Variants in TUBGCP6 observed in about 807,000 individuals in gnomAD.
TUBGCP6 encodes the protein gamma-tubulin complex component 6.
Under a neutral mutation model 175.8 loss-of-function variants are expected in TUBGCP6, and 161 were observed. The ratio of observed to expected loss-of-function variants is 0.92; its 90% CI spans 0.81 to 1.04. TUBGCP6 has a LOEUF of 1.04. TUBGCP6 is among the 50% of genes least tolerant of loss of function. The pLI is 0.00. For missense variants in TUBGCP6, 2,572 were observed against 2,433.0 expected, an observed-to-expected ratio of 1.06 and a Z score of -1.20; for synonymous variants, 1,173 against 1,030.5, an observed-to-expected ratio of 1.14 and a Z score of -2.65.
chr22:50,217,784 C>T lies in TUBGCP6; in HGVS notation c.5412G>A (p.Glu1804=). 6.2e-7 allele frequency: 1 copy of T among 1,614,118 alleles called. No individual in the cohort carries two copies. Among genetic ancestry groups the T allele is most frequent in the Non-Finnish European group, 8.5e-7 (1 of 1,180,022 alleles). ...LVNRGYQPHL[E]DFLLRINFNN... ...TGAAGTTGATGCGCAGCAGAAAGTC[C>T]TCCAGGTGGGGCTGGTAGCCGCGGT... Residue 1804 remains glutamate, a synonymous_variant, in exon 25 of 25, where the codon GAG becomes GAA. Coordinates refer to ENST00000248846, the MANE Select transcript of TUBGCP6 (RefSeq NM_020461.4).
Position 50,218,025 on chromosome 22 carries a change from T to TGGGAGA in TUBGCP6, c.5255_5260dup (p.Ser1753_Gln1754insLeuSer), listed in dbSNP as rs768806135. On this transcript the variant is annotated inframe_insertion, in exon 24 of 25. Coordinates refer to ENST00000248846, the MANE Select transcript of TUBGCP6 (RefSeq NM_020461.4). The stretch of plus-strand genomic sequence containing the variant: ...CGGGCCCCCAGGGGGCCCCCAGGCC[T>TGGGAGA]GGGAGATGAGCTGGCTGCGGAACTT... 1 of 1,613,240 alleles carries TGGGAGA rather than the reference T, an allele frequency of 6.2e-7. No homozygotes were observed. The highest frequency in any genetic ancestry group is 1.3e-5 in the African/African-American group (1 of 75,036).
In TUBGCP6 at chr22:50,221,574, G is replaced by C; in HGVS notation, c.2785C>G (p.Leu929Val). The change falls in exon 16 of 25, where the codon CTG becomes GTG. Residue 929 changes from leucine to valine, a missense_variant. Leu to Val is a conservative substitution (Grantham distance 32). Coordinates refer to ENST00000248846, the MANE Select transcript of TUBGCP6 (RefSeq NM_020461.4). ...GCCTCCCCAGGAGCTGAGGGGGGCAGGTCCAAGTTAATGGTCTGCAGCGCC... is the reference window on the plus strand; with the variant it reads ...GCCTCCCCAGGAGCTGAGGGGGGCACGTCCAAGTTAATGGTCTGCAGCGCC... ...EVALQTINLD[L>V]PPSAPGEAPA... 6.3e-7 allele frequency: 1 copy of C among 1,585,340 alleles called. No individual in the cohort carries two copies.
At position 50,219,700 on chromosome 22, in the gene TUBGCP6, G is replaced by C; in HGVS notation, c.4259C>G (p.Ala1420Gly). ...EAQGGEQAYL[A>G]GLAGQYHLER... ...CAAGTGGTACTGCCCTGCCAGGCCTGCCAGGTAGGCCTGCTCCCCACCCTG... is the reference window on the plus strand; with the variant it reads ...CAAGTGGTACTGCCCTGCCAGGCCTCCCAGGTAGGCCTGCTCCCCACCCTG... The change falls in exon 18 of 25, where the codon GCA becomes GGA. Residue 1420 changes from alanine to glycine, a missense_variant. Ala to Gly is a moderately conservative substitution (Grantham distance 60). Transcript: ENST00000248846. 1 of 1,613,722 alleles carries C rather than the reference G, an allele frequency of 6.2e-7. No individual in the cohort carries two copies. Among genetic ancestry groups the C allele is most frequent in the Non-Finnish European group, 8.5e-7 (1 of 1,179,976 alleles).
At chr22:50,226,876 G>A in intron 6 of TUBGCP6, 34 bp from the exon 7 acceptor site, 1 of 1,559,334 alleles carries the variant, frequency 6.4e-7, no homozygotes, top group East Asian at 2.3e-5. Flanking sequence ...GGGCAGCTCA[G>A]CGCACCCAGC....
chr22:50,226,439 G>A (rs997014753), intron 7 of TUBGCP6, 61 bp from the exon 8 acceptor site: 242 of 1,480,188 alleles, frequency 1.6e-4, no homozygotes, highest in Non-Finnish European at 2.1e-4. Flanking sequence ...GGGCGTGGCT[G>A]TCAGTGAGGG....
intron 3 of TUBGCP6, among the ~76,000 whole-genome samples, chr22:50,229,895 T>C (rs759606561): frequency 6.6e-6 from 1 of 152,048 alleles, no homozygotes; most frequent in Non-Finnish European, 1.5e-5. Context: ...ATGACGGCCG[T>C]GAGACCCGCT....
chr22:50,231,867 AAAAAAAAG>A (rs1374346961), intron 3 of TUBGCP6, among the ~76,000 whole-genome samples: 1 of 151,444 alleles, frequency 6.6e-6, no homozygotes, highest in Non-Finnish European at 1.5e-5. Context: ...CTCAAAAAAA[AAAAAAAAG>A]AAAAGATGAC....
chr22:50,227,027 C>G lies in TUBGCP6; in HGVS notation c.1463G>C (p.Gly488Ala). 1 of 1,612,500 alleles carries G rather than the reference C, an allele frequency of 6.2e-7. No individual in the cohort carries two copies. Among genetic ancestry groups the G allele is most frequent in the African/African-American group, 1.3e-5 (1 of 75,020 alleles). ...GVGAVLPGTC[G>A]GGPRAAFPTG... ...GGGAAACGCGGCCCTGGGGCCTCCT[C>G]CACAGGTGCCCGGGAGCACAGCGCC... Residue 488 changes from glycine (G) to alanine (A), a missense_variant, in exon 6 of 25, where the codon GGA (glycine) becomes GCA (alanine). Coordinates refer to ENST00000248846, the MANE Select transcript of TUBGCP6 (RefSeq NM_020461.4).
Position 50,220,614 on chromosome 22 carries a change from T to A in TUBGCP6, c.3745A>T (p.Ser1249Cys). The stretch of plus-strand genomic sequence containing the variant: ...GACACAGGCTCCCCCAAGCTGATGC[T>A]GGCGTCGGACACGTGTCCATGGGTG... The part of the protein sequence containing the change: ...CNTHGHVSDA[S>C]ISLGEPVSDV... The change falls in exon 16 of 25, where the codon AGC becomes TGC. Residue 1249 changes from serine (S) to cysteine (C), a missense_variant. By Grantham distance (112) the Ser-to-Cys change is moderately radical (BLOSUM62 -1). Transcript: ENST00000248846. 6.2e-7 allele frequency: 1 copy of A among 1,613,094 alleles called. No homozygotes were observed. Among genetic ancestry groups the A allele is most frequent in the Non-Finnish European group, 8.5e-7 (1 of 1,179,756 alleles).
chr22:50,222,909 A>C (rs1305757644), intron 13 of TUBGCP6: 4 of 315,516 alleles, frequency 1.3e-5, no homozygotes, highest in Non-Finnish European at 1.8e-5. Flanking sequence ...CGAGGGCCCC[A>C]GGCCTCTAAG....
In TUBGCP6 at chr22:50,219,632, T is replaced by C. The variant is rs559745224; in HGVS notation, c.4315+12A>G. 2.5e-6 allele frequency: 4 copies of C among 1,612,212 alleles called. No individual in the cohort carries two copies. The Admixed American group carries it at 6.7e-5, about 27-fold the overall frequency. ...CCCAGGGCTCCCTGCCAACAGCAAC[T>C]GCTGCACTCACACATGGACTCGTAA... is the stretch of plus-strand genomic sequence containing the variant. On this transcript the variant is annotated intron_variant, in intron 18 of 24. Transcript: ENST00000248846.
chr22:50,219,012 CTCTT>C, intron 20 of TUBGCP6, 52 bp downstream of exon 20: 1 of 1,604,338 alleles, frequency 6.2e-7, no homozygotes, highest in Non-Finnish European at 8.5e-7. Flanking sequence ...CAGCCAGTCT[CTCTT>C]TTCCCACGGC....
intron 4 of TUBGCP6, 125 bp downstream of exon 4, chr22:50,229,279 T>C: frequency 9.2e-7 from 1 of 1,089,144 alleles, no homozygotes; most frequent in Non-Finnish European, 1.3e-6. Flanking sequence ...GGGTTTCAGA[T>C]GTTAGCAAGG....
intron 1 of TUBGCP6, among the ~76,000 whole-genome samples, chr22:50,243,314 G>A (rs540652672): frequency 2.0e-5 from 3 of 152,240 alleles, no homozygotes; most frequent in South Asian, 2.1e-4. Flanking sequence ...TGGGCGTGGT[G>A]GCATGCACCT....
chr22:50,218,666 C>A (rs760576687), intron 21 of TUBGCP6, 37 bp downstream of exon 21: 1 of 1,613,448 alleles, frequency 6.2e-7, no homozygotes, highest in Non-Finnish European at 8.5e-7. Context: ...GCAGGCAGGC[C>A]CCTGTCCCAT....
Position 50,244,601 on chromosome 22 carries a change from G to C in TUBGCP6, c.-142C>G. Reference sequence around the variant, plus strand: ...TCTCCAATGCCGAAGCTCAGAACTGGTATTTTTTAAAGGAGGTCTTGCGGT... The same window carrying C: ...TCTCCAATGCCGAAGCTCAGAACTGCTATTTTTTAAAGGAGGTCTTGCGGT... On this transcript the variant is annotated 5_prime_UTR_variant, in exon 1 of 25. Coordinates refer to ENST00000248846, the MANE Select transcript of TUBGCP6 (RefSeq NM_020461.4). 7.5e-7 allele frequency: 1 copy of C among 1,333,396 alleles called. No homozygotes were observed. The highest frequency in any genetic ancestry group is 9.8e-7 in the Non-Finnish European group (1 of 1,017,726). The allele number at this position is 1,333,396 out of a possible 1,614,324, so 82.6% of individuals were successfully genotyped here. A position where few individuals can be genotyped will look rare whatever the true frequency, so the allele number is the denominator to read the frequency against.
chr22:50,226,441 C>G lies in TUBGCP6; in HGVS notation c.1602-63G>C, dbSNP rs1053408691. The stretch of plus-strand genomic sequence containing the variant: ...GGAGAGGTGGGTGGGGCGTGGCTGT[C>G]AGTGAGGGGTGGGACAGGGGCGTGG... On this transcript the variant is annotated intron_variant, in intron 7 of 24. Transcript: ENST00000248846. 4.1e-6 allele frequency: 6 copies of G among 1,464,188 alleles called. No individual in the cohort carries two copies. The African/African-American group carries it at 8.5e-5, about 21-fold the overall frequency. The allele number at this position is 1,464,188 out of a possible 1,614,324, so 90.7% of individuals were successfully genotyped here.
At position 50,227,037 on chromosome 22, in the gene TUBGCP6, C is replaced by T. The variant is rs369954687; in HGVS notation, c.1453G>A (p.Gly485Ser). The change falls in exon 6 of 25, where the codon GGC becomes AGC. Residue 485 changes from glycine (G) to serine (S), a missense_variant. Coordinates refer to ENST00000248846, the MANE Select transcript of TUBGCP6 (RefSeq NM_020461.4). Reference protein sequence around the residue: ...ELCGVGAVLPGTCGGGPRAAF... With the variant: ...ELCGVGAVLPSTCGGGPRAAF... ...GCCCTGGGGCCTCCTCCACAGGTGC[C>T]CGGGAGCACAGCGCCAACGCCACAG... 8.6e-5 allele frequency: 139 copies of T among 1,612,464 alleles called. 1 individual carries two copies. The highest frequency in any genetic ancestry group is 1.6e-4 in the Middle Eastern group (1 of 6,076).
rs760872066 is a variant in TUBGCP6 at position 50,219,224 on chromosome 22, C to T, written c.4485-15G>A. 1 of 1,610,854 alleles carries T rather than the reference C, an allele frequency of 6.2e-7. No individual in the cohort carries two copies. Among genetic ancestry groups the T allele is most frequent in the Non-Finnish European group, 8.5e-7 (1 of 1,179,902 alleles). On this transcript the variant is annotated splice_polypyrimidine_tract_variant and intron_variant, in intron 19 of 24. Transcript: ENST00000248846. ...CCAAGGAGATGCTGGCAGGAGGGAG[C>T]TGGAGTCAGGGCGGGCCAGGACGGG...
Sources: allele counts gnomAD v4.1 joint callset (sites outside exome capture counted in the v4.1 genomes callset), GRCh38; gene constraint gnomAD v4.1.1; transcripts MANE v1.5; gene names NCBI Gene and HGNC (gene_info 2026-07-23, HGNC 2026-07-21).